The following ADAD1 variants were observed in gnomAD, a reference collection of about 807,000 sequenced individuals.
ADAD1 encodes adenosine deaminase domain containing 1, also known as adenosine deaminase domain-containing protein 1.
Under a neutral mutation model 66.8 loss-of-function variants are expected in ADAD1, and 46 were observed. The ratio of observed to expected loss-of-function variants is 0.69; its 90% CI spans 0.54 to 0.88. The LOEUF is 0.88. Ranked by LOEUF, ADAD1 falls within the 40% of genes least tolerant of loss-of-function variation. The pLI, the probability that ADAD1 is intolerant of heterozygous loss-of-function variation, is 0.00. For missense variants in ADAD1, 617 were observed against 681.8 expected (o/e 0.91, Z 1.06); for synonymous variants, 248 against 229.4 (o/e 1.08, Z -0.73).
chr4:122,395,171 C>T (rs889178202), intron 6 of ADAD1, among the ~76,000 whole-genome samples: 1 of 152,038 alleles, frequency 6.6e-6, no homozygotes, highest in Non-Finnish European at 1.5e-5. Flanking sequence ...CTGCCTCAGG[C>T]TCCCAAGTAG....
intron 7 of ADAD1, among the ~76,000 whole-genome samples, chr4:122,399,579 T>C (rs1373354090): frequency 2.0e-5 from 3 of 152,154 alleles, no homozygotes; most frequent in Admixed American, 2.0e-4. Flanking sequence ...TTTGGCAGTA[T>C]GGTGATTTTC....
At chr4:122,393,942 A>G (rs1438304132) in intron 6 of ADAD1, among the ~76,000 whole-genome samples, 7 of 152,130 alleles carry the variant, frequency 4.6e-5, no homozygotes. Context: ...TGGGCTTGTC[A>G]TGAACGAAAA....
intron 5 of ADAD1, among the ~76,000 whole-genome samples, chr4:122,384,167 A>G (rs1016600041): frequency 6.6e-6 from 1 of 152,238 alleles, no homozygotes; most frequent in African/African-American, 2.4e-5. Context: ...TGAAAGGTAT[A>G]ATCATGTTGC....
intron 7 of ADAD1, among the ~76,000 whole-genome samples, chr4:122,403,971 A>G (rs956398710): frequency 2.0e-5 from 3 of 152,078 alleles, no homozygotes; most frequent in African/African-American, 7.2e-5. Context: ...CAGCACTGAC[A>G]GGCCTCACCC....
chr4:122,401,626 C>T (rs1795982172), intron 7 of ADAD1, among the ~76,000 whole-genome samples: 1 of 152,058 alleles, frequency 6.6e-6, no homozygotes. Flanking sequence ...GTGTTGCCGT[C>T]TATCTTTTTT....
intron 7 of ADAD1, among the ~76,000 whole-genome samples, chr4:122,400,981 T>A (rs1013695624): frequency 1.3e-5 from 2 of 152,080 alleles, no homozygotes; most frequent in African/African-American, 4.8e-5. Context: ...TTTTTGGTGT[T>A]TTTTGTTTCA....
Position 122,412,732 on chromosome 4 carries a change from G to A in ADAD1, c.1172G>A (p.Arg391Lys). ...ATGTCCTCAAGTGACAAATTGACCA[G>A]ATGGGAAGTGCTTGGTGTACAGGGA... Reference protein sequence around the residue: ...SSMSSSDKLTRWEVLGVQGAL... With the variant: ...SSMSSSDKLTKWEVLGVQGAL... The change falls in exon 10 of 13, where the codon AGA (arginine) becomes AAA (lysine). Residue 391 changes from arginine (R) to lysine (K), a missense_variant. Arg to Lys is a conservative substitution (Grantham distance 26, BLOSUM62 2). Coordinates refer to ENST00000296513, the MANE Select transcript of ADAD1 (RefSeq NM_139243.4). The A allele has an allele frequency of 6.2e-7, 1 of 1,613,928 alleles. No homozygotes were observed. The highest frequency in any genetic ancestry group is 2.2e-5 in the East Asian group (1 of 44,872).
At chr4:122,414,142 TTTTTC>T (rs1796602263) in intron 10 of ADAD1, among the ~76,000 whole-genome samples, 1 of 150,464 alleles carries the variant, frequency 6.6e-6, no homozygotes, top group African/African-American at 2.4e-5. Context: ...TTTATAAACT[TTTTTC>T]TATTATATTA....
chr4:122,381,262 A>T, intron 4 of ADAD1, 82 bp downstream of exon 4: 1 of 1,327,366 alleles, frequency 7.5e-7, no homozygotes, highest in South Asian at 1.6e-5. Context: ...TCTTTCTTCT[A>T]ATATTGGAGT....
chr4:122,428,864 A>C (rs756611174), intron 12 of ADAD1, among the ~76,000 whole-genome samples: 1 of 152,092 alleles, frequency 6.6e-6, no homozygotes, highest in African/African-American at 2.4e-5. Flanking sequence ...AAAAAACACC[A>C]AACAATGCAC....
At chr4:122,385,985 T>C (rs1334765592) in intron 5 of ADAD1, among the ~76,000 whole-genome samples, 1 of 152,178 alleles carries the variant, frequency 6.6e-6, no homozygotes, top group Non-Finnish European at 1.5e-5. Flanking sequence ...CTATTGTAAA[T>C]AGTGCTGCAG....
rs775655359 is a variant in ADAD1 at position 122,383,909 on chromosome 4, G to A, written c.472G>A (p.Ala158Thr). 1 of 1,613,896 alleles carries A rather than the reference G, an allele frequency of 6.2e-7. No individual in the cohort carries two copies. Among genetic ancestry groups the A allele is most frequent in the Non-Finnish European group, 8.5e-7 (1 of 1,179,908 alleles). The part of the protein sequence containing the change: ...KESRSNAAKL[A>T]LDELLQLDEP... ...GTCTAGATCCAATGCAGCAAAATTA[G>A]CTCTTGATGAGCTTCTACAACTGGA... The change falls in exon 5 of 13, where the codon GCT becomes ACT. Residue 158 changes from alanine to threonine, a missense_variant. By Grantham distance (58) the Ala-to-Thr change is moderately conservative. Transcript: ENST00000296513.
chr4:122,421,010 C>T (rs1399608374), intron 11 of ADAD1, among the ~76,000 whole-genome samples: 4 of 151,942 alleles, frequency 2.6e-5, no homozygotes, highest in Non-Finnish European at 5.9e-5. Flanking sequence ...TTGCTTCATA[C>T]AATAGAAATG....
At chr4:122,393,745 A>G in intron 6 of ADAD1, 88 bp downstream of exon 6, 1 of 1,009,096 alleles carries the variant, frequency 9.9e-7, no homozygotes, top group Non-Finnish European at 1.4e-6. Flanking sequence ...ATAGGTATGA[A>G]AATGTACATT....
chr4:122,416,638 C>T (rs1796747782), intron 11 of ADAD1, among the ~76,000 whole-genome samples: 1 of 151,856 alleles, frequency 6.6e-6, no homozygotes, highest in Non-Finnish European at 1.5e-5. Flanking sequence ...GAGGCTGAGA[C>T]AGGAGGATCA....
At chr4:122,401,132 A>G (rs1398554409) in intron 7 of ADAD1, among the ~76,000 whole-genome samples, 5 of 152,062 alleles carry the variant, frequency 3.3e-5, no homozygotes, top group Non-Finnish European at 7.4e-5. Flanking sequence ...TGATATAGGC[A>G]TTTAATGCTA....
chr4:122,390,669 C>T (rs1487126454), intron 5 of ADAD1, among the ~76,000 whole-genome samples: 3 of 152,188 alleles, frequency 2.0e-5, no homozygotes, highest in Non-Finnish European at 4.4e-5. Context: ...GTGTATGCTT[C>T]ACAAAGTTCT....
At chr4:122,381,302 A>C in intron 4 of ADAD1, 122 bp downstream of exon 4, 1 of 1,012,032 alleles carries the variant, frequency 9.9e-7, no homozygotes, top group Non-Finnish European at 1.4e-6. Context: ...TTTCACAAGA[A>C]TACTTAAATG....
At chr4:122,422,956 TA>T (rs537676034) in intron 12 of ADAD1, among the ~76,000 whole-genome samples, 13,130 of 97,162 alleles carry the variant, frequency 0.14, 695 homozygotes, top group South Asian at 0.28. Context: ...TATTTCTCTT[TA>T]AAAAAAAAAA....
Sources: allele counts gnomAD v4.1 joint callset (sites outside exome capture counted in the v4.1 genomes callset), GRCh38; gene constraint gnomAD v4.1.1; transcripts MANE v1.5; gene names NCBI Gene and HGNC (gene_info 2026-07-23, HGNC 2026-07-21).